The following IDE variants were observed in gnomAD, a reference collection of about 807,000 sequenced individuals.
The protein encoded by IDE is insulin-degrading enzyme.
Under a neutral mutation model 133.2 loss-of-function variants are expected in IDE, and 58 were observed. The ratio of observed to expected loss-of-function variants is 0.44; its 90% CI spans 0.35 to 0.54. IDE has a LOEUF of 0.54. Among genes scored for constraint, IDE ranks in the 20% least tolerant of loss-of-function variants. The pLI is 0.00. For missense variants in IDE, 981 were observed against 1,234.0 expected, an observed-to-expected ratio of 0.79 and a Z score of 3.07; for synonymous variants, 396 against 421.3, an observed-to-expected ratio of 0.94 and a Z score of 0.73.
At chr10:92,504,592 T>C (rs1848194976) in intron 11 of IDE, among the ~76,000 whole-genome samples, 1 of 152,222 alleles carries the variant, frequency 6.6e-6, no homozygotes, top group African/African-American at 2.4e-5. Flanking sequence ...GGGGGATGAC[T>C]GAAGAGGGAT....
At chr10:92,473,008 T>A (rs1023480916) in intron 17 of IDE, among the ~76,000 whole-genome samples, 2 of 150,856 alleles carry the variant, frequency 1.3e-5, no homozygotes, top group African/African-American at 4.9e-5. Context: ...AGTGGCATTA[T>A]CTCGGCTCAC....
intron 24 of IDE, among the ~76,000 whole-genome samples, 171 bp from the exon 25 acceptor site, chr10:92,454,710 CCTTT>C (rs1354061757): frequency 1.3e-5 from 2 of 152,286 alleles, no homozygotes; most frequent in East Asian, 3.9e-4. Flanking sequence ...GATCTGCTGA[CCTTT>C]CTTCTGGATC....
chr10:92,457,080 C>G (rs894571056), intron 22 of IDE, among the ~76,000 whole-genome samples: 2 of 151,938 alleles, frequency 1.3e-5, no homozygotes, highest in Non-Finnish European at 2.9e-5. Flanking sequence ...CAAACTCCTA[C>G]AGCTAATAAG....
chr10:92,545,186 CCCA>C (rs1487368400), intron 1 of IDE, among the ~76,000 whole-genome samples: 1 of 152,066 alleles, frequency 6.6e-6, no homozygotes, highest in Admixed American at 6.6e-5. Flanking sequence ...CCCGCCCTCC[CCCA>C]CCAACACGAT....
At chr10:92,569,229 A>G (rs554694990) in intron 1 of IDE, among the ~76,000 whole-genome samples, 1 of 121,894 alleles carries the variant, frequency 8.2e-6, no homozygotes, top group South Asian at 2.9e-4. Flanking sequence ...TGACTGGAGA[A>G]GAGTTAGGCT....
chr10:92,504,008 G>A (rs958007271), intron 11 of IDE, among the ~76,000 whole-genome samples: 1 of 136,710 alleles, frequency 7.3e-6, no homozygotes, highest in Non-Finnish European at 1.6e-5. Flanking sequence ...AGGAGCCACC[G>A]CGCCCAGCCC....
intron 3 of IDE, among the ~76,000 whole-genome samples, chr10:92,533,429 T>A (rs532267612): frequency 5.9e-5 from 9 of 152,114 alleles, no homozygotes; most frequent in Non-Finnish European, 1.3e-4. Flanking sequence ...CCCATAACCT[T>A]GCCTTGATAA....
intron 4 of IDE, among the ~76,000 whole-genome samples, chr10:92,515,360 C>G (rs562732458): frequency 7.2e-6 from 1 of 138,572 alleles, no homozygotes; most frequent in Non-Finnish European, 1.6e-5. Context: ...CCCGGGTTCA[C>G]GCCATTCTCC....
chr10:92,478,876 G>T, intron 15 of IDE: 1 of 563,810 alleles, frequency 1.8e-6, no homozygotes, highest in Non-Finnish European at 2.4e-6. Flanking sequence ...GTATGGATAT[G>T]CAGCCTCATG....
chr10:92,565,065 G>A (rs1171032612), intron 1 of IDE, among the ~76,000 whole-genome samples: 1 of 151,832 alleles, frequency 6.6e-6, no homozygotes, highest in African/African-American at 2.4e-5. Context: ...GGCCAACATG[G>A]TGAAACCCCA....
intron 4 of IDE, among the ~76,000 whole-genome samples, chr10:92,522,825 A>T (rs1849303410): frequency 6.6e-6 from 1 of 152,212 alleles, no homozygotes; most frequent in Non-Finnish European, 1.5e-5. Context: ...ATTAGAAATT[A>T]AATAATCCAC....
At chr10:92,572,526 G>A (rs1843834866) in intron 1 of IDE, among the ~76,000 whole-genome samples, 1 of 152,212 alleles carries the variant, frequency 6.6e-6, no homozygotes, top group East Asian at 1.9e-4. Context: ...TCCACTTCCT[G>A]ACATCCTGCA....
chr10:92,475,817 T>C, intron 16 of IDE, 67 bp downstream of exon 16: 1 of 638,992 alleles, frequency 1.6e-6, no homozygotes, highest in Non-Finnish European at 2.7e-6. Flanking sequence ...TAAAAACTAT[T>C]ATGAAAACTT....
intron 5 of IDE, among the ~76,000 whole-genome samples, chr10:92,513,809 G>A (rs1262030627): frequency 2.0e-5 from 3 of 151,828 alleles, no homozygotes; most frequent in Non-Finnish European, 4.4e-5. Context: ...TGCCAAGCAC[G>A]AGCCCAGGTA....
intron 5 of IDE, among the ~76,000 whole-genome samples, chr10:92,513,102 C>T (rs912338493): frequency 2.6e-5 from 4 of 152,318 alleles, no homozygotes; most frequent in Admixed American, 2.6e-4. Flanking sequence ...TTCTTAATTA[C>T]TATACAACAT....
chr10:92,472,219 C>G (rs1453992557), intron 17 of IDE, among the ~76,000 whole-genome samples: 1 of 152,140 alleles, frequency 6.6e-6, no homozygotes, highest in Non-Finnish European at 1.5e-5. Flanking sequence ...GCCTTCATAT[C>G]CCTCTGAGAT....
chr10:92,537,749 G>A (rs1007039039), intron 1 of IDE, among the ~76,000 whole-genome samples, 199 bp from the exon 2 acceptor site: 22 of 152,002 alleles, frequency 1.4e-4, no homozygotes, highest in Admixed American at 7.2e-4. Context: ...TAACAAAATT[G>A]TTTTCATGGA....
At chr10:92,565,219 G>A (rs1484649698) in intron 1 of IDE, among the ~76,000 whole-genome samples, 1 of 150,080 alleles carries the variant, frequency 6.7e-6, no homozygotes, top group Non-Finnish European at 1.5e-5. Flanking sequence ...ACTCCAGCCT[G>A]GGTGACAGAG....
rs2135365714 is a variant in IDE at position 92,468,923 on chromosome 10, A to C, written c.2276T>G (p.Leu759Arg). ...LIEHAHTKPL[L>R]PSQLVRYREV... ...TCTATACCGAACCAGCTGACTTGGA[A>C]GGAGAGGTTTGGTATGAGCATGTTC... Residue 759 changes from leucine to arginine, a missense_variant, in exon 19 of 25, where the codon CTT becomes CGT. By Grantham distance (102) the Leu-to-Arg change is moderately radical. Transcript: ENST00000265986. 6.2e-7 allele frequency: 1 copy of C among 1,612,732 alleles called. No homozygotes were observed. The highest frequency in any genetic ancestry group is 8.5e-7 in the Non-Finnish European group (1 of 1,178,720).
Sources: allele counts gnomAD v4.1 joint callset (sites outside exome capture counted in the v4.1 genomes callset), GRCh38; gene constraint gnomAD v4.1.1; transcripts MANE v1.5; gene names NCBI Gene and HGNC (gene_info 2026-07-23, HGNC 2026-07-21).